The following SGCZ variants were observed in gnomAD, a reference collection of about 807,000 sequenced individuals.
SGCZ encodes sarcoglycan zeta.
Under a neutral mutation model 41.3 loss-of-function variants are expected in SGCZ, and 40 were observed. That is an observed-to-expected ratio of 0.97 (90% CI 0.75 to 1.26). The LOEUF (loss-of-function observed/expected upper bound fraction) is 1.26. Ranked by LOEUF, SGCZ falls within the 50% of genes most tolerant of loss-of-function variation. The probability of loss-of-function intolerance (pLI) is 0.00; values close to 1 mark genes in which losing one functional copy is unlikely to be tolerated. For missense variants in SGCZ, 552 were observed against 369.8 expected, an observed-to-expected ratio of 1.49 and a Z score of -4.04; for synonymous variants, 206 against 137.5, an observed-to-expected ratio of 1.50 and a Z score of -3.49.
At chr8:14,152,654 G>A (rs1488294043) in intron 5 of SGCZ, among the ~76,000 whole-genome samples, 1 of 152,070 alleles carries the variant, frequency 6.6e-6, no homozygotes. Flanking sequence ...TCCACCATAT[G>A]GCCCAGCAAA....
At chr8:15,082,206 G>A (rs143290978) in intron 1 of SGCZ, among the ~76,000 whole-genome samples, 5,760 of 151,666 alleles carry the variant, frequency 0.038, 143 homozygotes, top group Non-Finnish European at 0.056. Context: ...CCCAGCCTGG[G>A]CAACATAGCG....
chr8:14,976,175 C>T (rs1339247478), intron 1 of SGCZ, among the ~76,000 whole-genome samples: 2 of 151,782 alleles, frequency 1.3e-5, no homozygotes, highest in Non-Finnish European at 2.9e-5. Context: ...GCGCTCACCA[C>T]CACACCCGGC....
At chr8:14,534,569 T>C (rs941047764) in intron 2 of SGCZ, among the ~76,000 whole-genome samples, 1 of 151,972 alleles carries the variant, frequency 6.6e-6, no homozygotes, top group Non-Finnish European at 1.5e-5. Context: ...AGTCTTGTTT[T>C]TGAGGTGCTC....
In SGCZ at chr8:14,390,457, T is replaced by C. The variant is rs573201329; in HGVS notation, c.235-66253A>G. On this transcript the variant is annotated intron_variant, in intron 2 of 7. Transcript: ENST00000382080. Reference sequence around the variant, plus strand: ...TAGTAATTTAAAAATTAAATTTGCATATATATGTAGATAAATAAAAGACTT... The same window carrying C: ...TAGTAATTTAAAAATTAAATTTGCACATATATGTAGATAAATAAAAGACTT... Among the ~76,000 whole-genome samples the C allele has an allele frequency of 1.3e-4, 19 of 151,998 alleles. 1 individual carries two copies. In the South Asian group the frequency reaches 3.9e-3, roughly 32 times the overall value.
Position 14,555,516 on chromosome 8 carries a change from G to C in SGCZ, c.40-590C>G, listed in dbSNP as rs183544955. ...TCCACCATGATTGTAAGTTTCCTGA[G>C]GCCTCCCCAGAAGCAAAAGCCTCTA... On this transcript the variant is annotated intron_variant, in intron 1 of 7. Transcript: ENST00000382080. 3.0e-3 allele frequency among the ~76,000 whole-genome samples: 463 copies of C among 152,088 alleles called. 1 individual carries two copies. Among genetic ancestry groups the C allele is most frequent in the Non-Finnish European group, 5.2e-3 (355 of 67,988 alleles).
chr8:15,090,700 T>A (rs994665944), intron 1 of SGCZ, among the ~76,000 whole-genome samples: 39 of 152,134 alleles, frequency 2.6e-4, no homozygotes, highest in African/African-American at 9.2e-4. Context: ...CAAGCGTTGA[T>A]AGGAAGCAAA....
At chr8:14,672,220 C>A (rs1392934239) in intron 1 of SGCZ, among the ~76,000 whole-genome samples, 1 of 152,066 alleles carries the variant, frequency 6.6e-6, no homozygotes, top group Non-Finnish European at 1.5e-5. Context: ...ATTTTGAAAG[C>A]TATTTTATCT....
chr8:14,567,969 C>T (rs1167314347), intron 1 of SGCZ, among the ~76,000 whole-genome samples: 2 of 152,156 alleles, frequency 1.3e-5, no homozygotes, highest in African/African-American at 2.4e-5. Flanking sequence ...ACGCTCACCG[C>T]GAGGGTCCGC....
At position 14,983,160 on chromosome 8, in the gene SGCZ, C is replaced by T. The variant is rs147855150; in HGVS notation, c.39+254425G>A. Among the ~76,000 whole-genome samples, 459 of 150,458 alleles carry T rather than the reference C, an allele frequency of 3.1e-3. 2 individuals are homozygous for T. The highest frequency in any genetic ancestry group is 9.5e-3 in the African/African-American group (391 of 41,062). ...CTGCTGGTGCTTATTTCATTGTATT[C>T]GGTGCTGTCACTCCTTTTTTTTTTC... On this transcript the variant is annotated intron_variant, in intron 1 of 7. Transcript: ENST00000382080.
intron 1 of SGCZ, among the ~76,000 whole-genome samples, chr8:14,983,174 CT>C (rs978868197): frequency 3.6e-4 from 46 of 127,370 alleles, no homozygotes; most frequent in Admixed American, 7.6e-4. Context: ...GCTGTCACTC[CT>C]TTTTTTTTTC....
intron 1 of SGCZ, among the ~76,000 whole-genome samples, chr8:15,032,987 G>A (rs1444613269): frequency 6.6e-6 from 1 of 151,772 alleles, no homozygotes; most frequent in Non-Finnish European, 1.5e-5. Flanking sequence ...CTCTAAATCA[G>A]CACCCCTACT....
In SGCZ at chr8:14,917,095, A is replaced by G. The variant is rs10102375; in HGVS notation, c.39+320490T>C. On this transcript the variant is annotated intron_variant, in intron 1 of 7. Coordinates refer to ENST00000382080, the MANE Select transcript of SGCZ (RefSeq NM_139167.4). ...CATTAGATAAAATATGTCCTGGTAT[A>G]CTCTGCAGGTACAGCTATTAGCTAA... Among the ~76,000 whole-genome samples, 473 of 152,178 alleles carry G rather than the reference A, an allele frequency of 3.1e-3. 3 individuals are homozygous for G. The highest frequency in any genetic ancestry group is 0.011 in the African/African-American group (456 of 41,560).
chr8:14,695,439 A>G (rs984338102), intron 1 of SGCZ, among the ~76,000 whole-genome samples: 1 of 152,154 alleles, frequency 6.6e-6, no homozygotes, highest in African/African-American at 2.4e-5. Flanking sequence ...CATGTGTCCA[A>G]AAGTACCATG....
Position 14,717,364 on chromosome 8 carries a change from C to T in SGCZ, c.40-162438G>A, listed in dbSNP as rs74830874. On this transcript the variant is annotated intron_variant, in intron 1 of 7. Transcript: ENST00000382080. ...TATATGTTTCCTTTACTTTCTGAAA[C>T]TTACTATAAATCACTTACAGTAATA... Among the ~76,000 whole-genome samples, 1,403 of 152,176 alleles carry T rather than the reference C, an allele frequency of 9.2e-3. 19 individuals carry two copies. Among genetic ancestry groups the T allele is most frequent in the African/African-American group, 0.032 (1,327 of 41,548 alleles).
intron 5 of SGCZ, among the ~76,000 whole-genome samples, chr8:14,132,153 C>T (rs1456480954): frequency 6.6e-6 from 1 of 151,946 alleles, no homozygotes; most frequent in African/African-American, 2.4e-5. Context: ...TTTTTCATTT[C>T]TGCTCCTCAG....
At chr8:14,296,177 G>C (rs963582420) in intron 3 of SGCZ, among the ~76,000 whole-genome samples, 2 of 152,106 alleles carry the variant, frequency 1.3e-5, no homozygotes, top group Admixed American at 6.5e-5. Flanking sequence ...TCTGGCAGGA[G>C]ACTAACGTCC....
intron 2 of SGCZ, among the ~76,000 whole-genome samples, chr8:14,412,869 G>A (rs1799398702): frequency 6.6e-6 from 1 of 151,940 alleles, no homozygotes. Flanking sequence ...AGATATGGAT[G>A]CAAATAATAA....
chr8:14,368,743 G>A (rs1217508702), intron 2 of SGCZ, among the ~76,000 whole-genome samples: 1 of 151,962 alleles, frequency 6.6e-6, no homozygotes, highest in Non-Finnish European at 1.5e-5. Flanking sequence ...TCTGTCTTCT[G>A]AGCACTGTGT....
chr8:14,315,776 C>G (rs1037292790), intron 3 of SGCZ, among the ~76,000 whole-genome samples: 1 of 149,748 alleles, frequency 6.7e-6, no homozygotes, highest in African/African-American at 2.5e-5. Flanking sequence ...AAAAGAAAAG[C>G]AGAAAAAGGA....
Sources: allele counts gnomAD v4.1 joint callset (sites outside exome capture counted in the v4.1 genomes callset), GRCh38; gene constraint gnomAD v4.1.1; transcripts MANE v1.5; gene names NCBI Gene and HGNC (gene_info 2026-07-23, HGNC 2026-07-21).